Variants in CFAP70 observed in about 807,000 individuals in gnomAD.
CFAP70 encodes the protein cilia- and flagella-associated protein 70.
A neutral mutation model predicts 137.6 loss-of-function variants in CFAP70; 81 were observed. The ratio of observed to expected loss-of-function variants is 0.59; its 90% CI spans 0.49 to 0.71. CFAP70 has a LOEUF of 0.71. Among genes scored for constraint, CFAP70 ranks in the 30% least tolerant of loss-of-function variants. The pLI is 0.00. For missense variants in CFAP70, 976 were observed against 1,226.7 expected (o/e 0.80, Z 3.05); for synonymous variants, 382 against 423.6 (o/e 0.90, Z 1.20).
intron 25 of CFAP70, among the ~76,000 whole-genome samples, chr10:73,257,484 T>A (rs1353006888): frequency 6.6e-6 from 1 of 152,232 alleles, no homozygotes; most frequent in East Asian, 1.9e-4. Flanking sequence ...GTATGCAAAG[T>A]CACTTGGTAA....
Position 73,341,431 on chromosome 10 carries a change from C to A in CFAP70, c.550G>T (p.Glu184Ter). ...TGGTTGAGTTCTCCTTCTTCTTCTTCATAGGGACCACCAACAATGAATGCA... is the reference window on the plus strand; with the variant it reads ...TGGTTGAGTTCTCCTTCTTCTTCTTAATAGGGACCACCAACAATGAATGCA... The change falls in exon 6 of 27, where the codon GAA becomes TAA. Residue 184 changes from glutamate to a stop codon, truncating the protein, a stop_gained. Transcript: ENST00000310715. LOFTEE classifies it high-confidence loss of function. The A allele has an allele frequency of 6.2e-7, 1 of 1,613,962 alleles. No individual in the cohort carries two copies. The highest frequency in any genetic ancestry group is 8.5e-7 in the Non-Finnish European group (1 of 1,179,936).
At chr10:73,254,566 G>C (rs550889407) in intron 26 of CFAP70, among the ~76,000 whole-genome samples, 1 of 152,290 alleles carries the variant, frequency 6.6e-6, no homozygotes, top group African/African-American at 2.4e-5. Context: ...AATGCAGTCA[G>C]CTAAAAAGCC....
In CFAP70 at chr10:73,254,095, C is replaced by T. The variant is rs765688676; in HGVS notation, c.3076-40G>A. 12 of 1,513,748 alleles carry T rather than the reference C, an allele frequency of 7.9e-6. No homozygotes were observed. The East Asian group carries it at 1.8e-4, about 23-fold the overall frequency. 93.8% of individuals were successfully genotyped at this position (1,513,748 alleles called of 1,614,324 possible). ...AAGAAAGGGAAAGATATATGTCATA[C>T]GTGATATACTTTATGTGGCTTTGAA... On this transcript the variant is annotated intron_variant, in intron 26 of 26. Coordinates refer to ENST00000310715, the Ensembl canonical transcript of CFAP70.
intron 13 of CFAP70, among the ~76,000 whole-genome samples, chr10:73,299,374 T>C (rs994054614): frequency 2.0e-5 from 3 of 152,100 alleles, no homozygotes; most frequent in African/African-American, 7.2e-5. Flanking sequence ...CACCCAGTAA[T>C]ACTTTAAATG....
chr10:73,305,870 C>T (rs908955169), intron 12 of CFAP70, among the ~76,000 whole-genome samples: 2 of 152,060 alleles, frequency 1.3e-5, no homozygotes, highest in African/African-American at 4.8e-5. Context: ...AAACTTACTA[C>T]ACAAATACAT....
In CFAP70 at chr10:73,351,318, C is replaced by T. The variant is rs1158104921; in HGVS notation, c.250+2238G>A. ...TATTTTTACTTGAGACGGGGTTTCA[C>T]CGTGTTAGCCAGGATGGTCTCGATC... On this transcript the variant is annotated intron_variant, in intron 3 of 26. Coordinates refer to ENST00000310715, the Ensembl canonical transcript of CFAP70. 5.3e-5 allele frequency among the ~76,000 whole-genome samples: 8 copies of T among 151,750 alleles called. No homozygotes were observed. In the East Asian group the frequency reaches 9.7e-4, roughly 18 times the overall value.
rs1041638038 is a variant in CFAP70, at chr10:73,313,570, C to T, written c.913-927G>A. ...AAAAAAAAAAAAAAAAGGCCAGGTGCGGTGGCTCACACCTGTAATCCCAGC... is the reference window on the plus strand; with the variant it reads ...AAAAAAAAAAAAAAAAGGCCAGGTGTGGTGGCTCACACCTGTAATCCCAGC... On this transcript the variant is annotated intron_variant, in intron 9 of 26. Coordinates refer to ENST00000310715, the Ensembl canonical transcript of CFAP70. Among the ~76,000 whole-genome samples, 9 of 145,642 alleles carry T rather than the reference C, an allele frequency of 6.2e-5. No individual in the cohort carries two copies. In the East Asian group the frequency reaches 6.3e-4, roughly 10 times the overall value.
intron 15 of CFAP70, chr10:73,294,221 C>G (rs2131935797): frequency 6.6e-6 from 1 of 152,342 alleles, no homozygotes; most frequent in African/African-American, 2.4e-5. Context: ...AAACAGAATA[C>G]TCTAATATCC....
chr10:73,303,480 AG>A (rs1266539518), intron 12 of CFAP70, among the ~76,000 whole-genome samples: 1 of 152,104 alleles, frequency 6.6e-6, no homozygotes, highest in African/African-American at 2.4e-5. Flanking sequence ...GGCCTCCCAA[AG>A]TGCTGGGATT....
At chr10:73,287,727 A>T (rs1365574785) in intron 19 of CFAP70, among the ~76,000 whole-genome samples, 2 of 152,190 alleles carry the variant, frequency 1.3e-5, no homozygotes, top group East Asian at 3.9e-4. Context: ...ACAGCAAAGG[A>T]ACATCCCAGG....
intron 4 of CFAP70, 112 bp downstream of exon 5, chr10:73,348,044 G>C (rs2053869121): frequency 2.2e-6 from 2 of 918,246 alleles, no homozygotes; most frequent in South Asian, 1.5e-5. Context: ...TAAGTGTGCT[G>C]TGAAAAGAAA....
intron 3 of CFAP70, among the ~76,000 whole-genome samples, chr10:73,351,456 G>T (rs567497577): frequency 8.7e-5 from 13 of 149,908 alleles, no homozygotes; most frequent in African/African-American, 3.0e-4. Flanking sequence ...TTTTTTGAGA[G>T]AAAGTCTCAC....
exon 3 of CFAP70, chr10:73,353,718 C>T: frequency 6.2e-7 from 1 of 1,614,174 alleles, no homozygotes; most frequent in Non-Finnish European, 8.5e-7. Context: ...ATAAAGGTAA[C>T]TGGAGTATCT....
At chr10:73,259,358 T>C (rs916324467) in intron 25 of CFAP70, among the ~76,000 whole-genome samples, 4 of 152,246 alleles carry the variant, frequency 2.6e-5, no homozygotes, top group African/African-American at 4.8e-5. Context: ...TGCATTCTTA[T>C]GCTTACTAGT....
intron 15 of CFAP70, 137 bp downstream of exon 16, chr10:73,296,905 A>G: frequency 9.9e-7 from 1 of 1,010,320 alleles, no homozygotes; most frequent in Non-Finnish European, 1.4e-6. Flanking sequence ...TTTCTTACTC[A>G]TCTTTGTGTT....
At chr10:73,333,403 A>G (rs544843812) in intron 7 of CFAP70, among the ~76,000 whole-genome samples, 1 of 152,246 alleles carries the variant, frequency 6.6e-6, no homozygotes, top group South Asian at 2.1e-4. Context: ...CCACAGATCC[A>G]GGAATCTCAG....
intron 8 of CFAP70, among the ~76,000 whole-genome samples, chr10:73,330,247 C>T (rs1395526993): frequency 1.3e-5 from 2 of 151,700 alleles, no homozygotes; most frequent in Admixed American, 6.6e-5. Flanking sequence ...GTCAGGAGTT[C>T]GAGACCAGCC....
chr10:73,301,045 T>C (rs1056583255), intron 12 of CFAP70, among the ~76,000 whole-genome samples: 1 of 152,158 alleles, frequency 6.6e-6, no homozygotes, highest in Non-Finnish European at 1.5e-5. Context: ...TAGTAATATG[T>C]CCCATAGAGA....
chr10:73,267,320 T>C (rs1254801467), intron 25 of CFAP70, among the ~76,000 whole-genome samples: 2 of 152,208 alleles, frequency 1.3e-5, no homozygotes, highest in Non-Finnish European at 2.9e-5. Flanking sequence ...TCAGTTCTCT[T>C]CCATGTGGAC....
Sources: gnomAD v4.1 joint callset for allele counts (sites outside exome capture counted in the v4.1 genomes callset) on GRCh38, gnomAD v4.1.1 for gene constraint, MANE v1.5 for transcripts, NCBI Gene and HGNC (gene_info 2026-07-23, HGNC 2026-07-21) for gene names.